Variants in SYNE2 observed in about 807,000 individuals in gnomAD.
SYNE2 encodes nesprin-2.
Under a neutral mutation model 856.3 loss-of-function variants are expected in SYNE2, and 431 were observed. The observed-to-expected ratio is 0.50, with a 90% CI of 0.47 to 0.55. The LOEUF (loss-of-function observed/expected upper bound fraction) is 0.55, where lower values mean the gene tolerates loss of function less well. Among genes scored for constraint, SYNE2 ranks in the 20% least tolerant of loss-of-function variants. The pLI, the probability that SYNE2 is intolerant of heterozygous loss-of-function variation, is 0.00. For synonymous variants in SYNE2, 2,923 were observed against 2,872.3 expected, an observed-to-expected ratio of 1.02 and a Z score of -0.56; for missense variants, 8,129 against 8,023.2, an observed-to-expected ratio of 1.01 and a Z score of -0.50.
intron 49 of SYNE2, among the ~76,000 whole-genome samples, chr14:64,059,376 G>T (rs1214030984): frequency 6.6e-6 from 1 of 152,200 alleles, no homozygotes; most frequent in Non-Finnish European, 1.5e-5. Flanking sequence ...AGTCATATCT[G>T]CTTACAGGAT....
Position 64,152,413 on chromosome 14 carries a change from G to A in SYNE2, c.15640-151G>A, listed in dbSNP as rs377402644. The A allele has an allele frequency of 4.1e-6, 3 of 735,956 alleles. No individual in the cohort carries two copies. The East Asian group carries it at 8.2e-5, about 20-fold the overall frequency. The allele number at this position is 735,956 out of a possible 1,614,324, so 45.6% of individuals were successfully genotyped here. Reference sequence around the variant, plus strand: ...TGTGTCATATGTAATTGAACTAAGAGTATTATGATTTAAATTTCTTTGATG... The same window carrying A: ...TGTGTCATATGTAATTGAACTAAGAATATTATGATTTAAATTTCTTTGATG... On this transcript the variant is annotated intron_variant, in intron 84 of 115. Transcript: ENST00000555002.
intron 1 of SYNE2, among the ~76,000 whole-genome samples, chr14:63,820,790 C>A (rs1488614993): frequency 2.0e-5 from 3 of 151,024 alleles, no homozygotes; most frequent in African/African-American, 7.3e-5. Context: ...CACTCTTTCA[C>A]CCAGGCTGTA....
chr14:63,888,094 G>A (rs1439991963), intron 1 of SYNE2, among the ~76,000 whole-genome samples: 2 of 152,088 alleles, frequency 1.3e-5, no homozygotes, highest in Non-Finnish European at 2.9e-5. Flanking sequence ...CACTTATTTA[G>A]CTGGAAGGGC....
chr14:64,151,551 A>G (rs1347752099), intron 84 of SYNE2, among the ~76,000 whole-genome samples: 2 of 149,776 alleles, frequency 1.3e-5, no homozygotes, highest in African/African-American at 4.9e-5. Context: ...AGGCAAAGCA[A>G]TTTTCAAAAA....
chr14:64,083,291 T>C (rs939274072), intron 57 of SYNE2, among the ~76,000 whole-genome samples: 4 of 152,206 alleles, frequency 2.6e-5, no homozygotes, highest in Middle Eastern at 3.4e-3. Context: ...TCCCCAAAGT[T>C]TGTCATTTTT....
intron 63 of SYNE2, among the ~76,000 whole-genome samples, chr14:64,100,719 A>C (rs2153639504): frequency 6.6e-6 from 1 of 151,212 alleles, no homozygotes; most frequent in South Asian, 2.1e-4. Context: ...TGATTTTCAA[A>C]CATATATTAA....
intron 62 of SYNE2, 126 bp from the exon 63 acceptor site, chr14:64,098,621 T>C (rs1427115646): frequency 2.2e-6 from 2 of 917,552 alleles, no homozygotes; most frequent in Admixed American, 4.0e-5. Context: ...GACAGGCTTC[T>C]TGTGGGGGTG....
At chr14:63,986,823 T>C (rs2096629294) in intron 19 of SYNE2, among the ~76,000 whole-genome samples, 1 of 152,198 alleles carries the variant, frequency 6.6e-6, no homozygotes, top group Admixed American at 6.5e-5. Context: ...CCACTGATAA[T>C]ACCTATGAAT....
chr14:64,080,596 A>C lies in SYNE2; in HGVS notation c.11304A>C (p.Gln3768His), dbSNP rs1184712521. Residue 3768 changes from glutamine (Q) to histidine (H), a missense_variant, in exon 56 of 116, where the codon CAA becomes CAC. Coordinates refer to ENST00000555002, the MANE Select transcript of SYNE2 (RefSeq NM_182914.3). ...TGATTCCTTTCCAGCAGTATCAGCAAGTATCACAGAGAGCAGAGTGTAGAA... is the reference window on the plus strand; with the variant it reads ...TGATTCCTTTCCAGCAGTATCAGCACGTATCACAGAGAGCAGAGTGTAGAA... ...NLMIPFQQYQ[Q>H]VSQRAECRTS... The C allele has an allele frequency of 1.9e-6, 3 of 1,614,242 alleles. No individual in the cohort carries two copies. Among genetic ancestry groups the C allele is most frequent in the Non-Finnish European group, 2.5e-6 (3 of 1,180,038 alleles).
rs367893963 is a variant in SYNE2 at position 64,081,507 on chromosome 14, C to G, written c.11411C>G (p.Thr3804Ser). 5.0e-5 allele frequency: 80 copies of G among 1,614,004 alleles called. No individual in the cohort carries two copies. Among genetic ancestry groups the G allele is most frequent in the Non-Finnish European group, 6.4e-5 (75 of 1,179,984 alleles). Reference sequence around the variant, plus strand: ...AGCACTGAGGCTTGGATAGAAAATACCAGTCATTTGCTGGCCAATCCTGCT... The same window carrying G: ...AGCACTGAGGCTTGGATAGAAAATAGCAGTCATTTGCTGGCCAATCCTGCT... Reference protein sequence around the residue: ...LKSTEAWIENTSHLLANPADY... With the variant: ...LKSTEAWIENSSHLLANPADY... The change falls in exon 57 of 116, where the codon ACC becomes AGC. Residue 3804 changes from threonine to serine, a missense_variant. Transcript: ENST00000555002.
At chr14:63,797,659 C>G (rs1050448167) in intron 1 of SYNE2, among the ~76,000 whole-genome samples, 3 of 152,198 alleles carry the variant, frequency 2.0e-5, no homozygotes, top group Non-Finnish European at 4.4e-5. Flanking sequence ...CCAGCCTGGT[C>G]TCGAACTCCT....
chr14:64,077,964 G>A lies in SYNE2; in HGVS notation c.11023-502G>A, dbSNP rs530887328. Among the ~76,000 whole-genome samples the A allele has an allele frequency of 1.1e-4, 17 of 152,218 alleles. 1 individual carries two copies. Among genetic ancestry groups the A allele is most frequent in the Admixed American group, 1.0e-3 (16 of 15,296 alleles). The stretch of plus-strand genomic sequence containing the variant: ...CCTCAAGAAATAGCAATTTTAGAAG[G>A]TTGTTTCACCCAAATGAATACTATG... On this transcript the variant is annotated intron_variant, in intron 54 of 115. Transcript: ENST00000555002.
At chr14:63,923,140 T>C (rs2095620789) in intron 2 of SYNE2, among the ~76,000 whole-genome samples, 1 of 152,228 alleles carries the variant, frequency 6.6e-6, no homozygotes, top group African/African-American at 2.4e-5. Context: ...TTGAGCAACT[T>C]AGATGAATCA....
At chr14:64,167,764 G>A (rs1170154810) in intron 92 of SYNE2, 125 bp downstream of exon 92, 10 of 1,305,668 alleles carry the variant, frequency 7.7e-6, no homozygotes, top group Non-Finnish European at 6.4e-6. Context: ...ATACCTTTAA[G>A]CAAATTCAGT....
At chr14:63,977,468 T>C (rs144145795) in intron 12 of SYNE2, among the ~76,000 whole-genome samples, 1 of 152,270 alleles carries the variant, frequency 6.6e-6, no homozygotes, top group East Asian at 1.9e-4. Flanking sequence ...CACCTCGGCC[T>C]CCCATAGTGC....
chr14:63,968,819 A>G (rs1307831661), intron 11 of SYNE2, among the ~76,000 whole-genome samples: 1 of 152,228 alleles, frequency 6.6e-6, no homozygotes, highest in Non-Finnish European at 1.5e-5. Context: ...TTCCTCCAGC[A>G]TTTATCCTTT....
At position 63,764,529 on chromosome 14, in the gene SYNE2, TA is replaced by T. The variant is rs1174838510; in HGVS notation, c.-305+2554del. 1.2e-3 allele frequency among the ~76,000 whole-genome samples: 155 copies of T among 128,274 alleles called. 1 individual carries two copies. Among genetic ancestry groups the T allele is most frequent in the African/African-American group, 3.2e-3 (116 of 36,616 alleles). The allele number at this position is 128,274 out of a possible 152,430, so 84.2% of individuals were successfully genotyped here. A position where few individuals can be genotyped will look rare whatever the true frequency, so the allele number is the denominator to read the frequency against. ...GCCCCCCGCCCCCGCCTCCATCTCT[TA>T]AAAAAAAAAATCTGTTCTTTTGACT... On this transcript the variant is annotated intron_variant, in intron 1 of 23. Transcript: ENST00000674003.
At chr14:64,223,501 GCCT>G in intron 113 of SYNE2, 121 bp downstream of exon 113, 1 of 1,050,166 alleles carries the variant, frequency 9.5e-7, no homozygotes, top group Non-Finnish European at 1.4e-6. Flanking sequence ...TCCGAGTGGG[GCCT>G]CATGTCGTGC....
At chr14:63,891,618 C>T (rs1418954679) in intron 1 of SYNE2, among the ~76,000 whole-genome samples, 1 of 151,906 alleles carries the variant, frequency 6.6e-6, no homozygotes, top group Non-Finnish European at 1.5e-5. Context: ...CTCAAAATAA[C>T]CTTTATGTCA....
Sources: allele counts gnomAD v4.1 joint callset (sites outside exome capture counted in the v4.1 genomes callset), GRCh38; gene constraint gnomAD v4.1.1; transcripts MANE v1.5; gene names NCBI Gene and HGNC (gene_info 2026-07-23, HGNC 2026-07-21).